The following FER variants were observed in gnomAD, a reference collection of about 807,000 sequenced individuals.
FER encodes tyrosine-protein kinase Fer.
FER carries 63 observed loss-of-function variants against 111.0 expected under a neutral mutation model. The ratio of observed to expected loss-of-function variants is 0.57; its 90% CI spans 0.46 to 0.70. The LOEUF is 0.70. FER is among the 30% of genes least tolerant of loss of function. The pLI, the probability that FER is intolerant of heterozygous loss-of-function variation, is 0.00. For synonymous variants in FER, 327 were observed against 313.9 expected (o/e 1.04, Z -0.44); for missense variants, 914 against 954.0 (o/e 0.96, Z 0.55).
intron 10 of FER, among the ~76,000 whole-genome samples, chr5:108,922,258 C>T (rs1432939426): frequency 6.6e-6 from 1 of 152,098 alleles, no homozygotes. Flanking sequence ...AGAAGTCACC[C>T]GATTTCTGGT....
Position 108,883,374 on chromosome 5 carries a change from T to C in FER, c.924-22T>C, listed in dbSNP as rs553200498. 3.1e-5 allele frequency: 49 copies of C among 1,573,286 alleles called. No homozygotes were observed. In the African/African-American group the frequency reaches 5.6e-4, roughly 18 times the overall value. The stretch of plus-strand genomic sequence containing the variant: ...GTGAAAATTAATTTGTTGGTTGTTA[T>C]TGAGGATACTGTTTATTCTAGGTTG... On this transcript the variant is annotated intron_variant, in intron 8 of 19. Transcript: ENST00000281092.
intron 5 of FER, among the ~76,000 whole-genome samples, chr5:108,856,257 G>C (rs1281728137): frequency 6.6e-6 from 1 of 152,142 alleles, no homozygotes; most frequent in African/African-American, 2.4e-5. Flanking sequence ...GGGGTTCACA[G>C]ACTCCCTCTT....
At chr5:109,107,432 G>A (rs187615606) in intron 17 of FER, among the ~76,000 whole-genome samples, 6 of 151,930 alleles carry the variant, frequency 3.9e-5, no homozygotes, top group African/African-American at 1.2e-4. Flanking sequence ...CATTATCCAC[G>A]TATTAAGCCT....
At chr5:108,962,013 C>T (rs982046146) in intron 13 of FER, among the ~76,000 whole-genome samples, 1 of 152,102 alleles carries the variant, frequency 6.6e-6, no homozygotes, top group Non-Finnish European at 1.5e-5. Flanking sequence ...ATCTCTGCTC[C>T]TACCCATAAA....
At chr5:109,066,525 G>C (rs1183488246) in intron 16 of FER, among the ~76,000 whole-genome samples, 1 of 151,948 alleles carries the variant, frequency 6.6e-6, no homozygotes, top group Non-Finnish European at 1.5e-5. Context: ...AACTAATGAG[G>C]CTATAATTTG....
Position 109,189,562 on chromosome 5 carries a change from C to G in FER, c.*1987C>G, listed in dbSNP as rs1759225080. The G allele has an allele frequency of 6.6e-6, 1 of 152,170 alleles. No homozygotes were observed. Among genetic ancestry groups the G allele is most frequent in the Non-Finnish European group, 1.5e-5 (1 of 68,044 alleles). 9.4% of individuals were successfully genotyped at this position (152,170 alleles called of 1,614,324 possible). ...GGGAAATTTCTTTTGATGGCACGTA[C>G]TATGGTAAATCAAAGCGCAAACTCA... On this transcript the variant is annotated 3_prime_UTR_variant, in exon 20 of 20. Coordinates refer to ENST00000281092, the MANE Select transcript of FER (RefSeq NM_005246.4).
At chr5:109,157,187 CTCAA>C (rs1755490292) in intron 17 of FER, among the ~76,000 whole-genome samples, 1 of 124,568 alleles carries the variant, frequency 8.0e-6, no homozygotes, top group Admixed American at 7.4e-5. Context: ...CTTACTATTT[CTCAA>C]TCAATCAAAA....
intron 13 of FER, among the ~76,000 whole-genome samples, chr5:109,019,204 C>A (rs549189889): frequency 1.3e-5 from 2 of 151,752 alleles, no homozygotes; most frequent in East Asian, 3.9e-4. Context: ...TGGAACTCTT[C>A]AGTTTTATAC....
At chr5:109,018,375 A>G (rs928480791) in intron 13 of FER, among the ~76,000 whole-genome samples, 2 of 151,912 alleles carry the variant, frequency 1.3e-5, no homozygotes, top group Admixed American at 6.6e-5. Context: ...TATGGCTTTA[A>G]GATGAAGTTA....
intron 3 of FER, chr5:108,830,823 G>A (rs904380739): frequency 2.0e-5 from 3 of 152,256 alleles, no homozygotes; most frequent in Non-Finnish European, 2.9e-5. Context: ...TATTAGCAGC[G>A]TTGGGGTGTT....
At chr5:108,891,281 G>A (rs1748005426) in intron 9 of FER, among the ~76,000 whole-genome samples, 1 of 151,926 alleles carries the variant, frequency 6.6e-6, no homozygotes, top group Non-Finnish European at 1.5e-5. Flanking sequence ...ATATTCTAGA[G>A]CTTTATATAT....
chr5:108,906,681 G>A (rs1750819624), intron 10 of FER, among the ~76,000 whole-genome samples: 1 of 151,412 alleles, frequency 6.6e-6, no homozygotes, highest in Non-Finnish European at 1.5e-5. Flanking sequence ...TTATTTTAAT[G>A]TTACTTTTAT....
intron 2 of FER, among the ~76,000 whole-genome samples, chr5:108,782,997 C>T (rs1473574025): frequency 6.6e-6 from 1 of 152,180 alleles, no homozygotes; most frequent in Non-Finnish European, 1.5e-5. Flanking sequence ...TAATAGTACA[C>T]TGTCTTGATT....
intron 1 of FER, among the ~76,000 whole-genome samples, chr5:108,758,304 C>T (rs1751341669): frequency 6.6e-6 from 1 of 152,094 alleles, no homozygotes; most frequent in Non-Finnish European, 1.5e-5. Flanking sequence ...AGCAAACCTA[C>T]CTAGAGTTGA....
chr5:108,855,594 G>A lies in FER; in HGVS notation c.482-12173G>A, dbSNP rs111546693. Among the ~76,000 whole-genome samples, 993 of 102,896 alleles carry A rather than the reference G, an allele frequency of 9.7e-3. 15 individuals carry two copies. The highest frequency in any genetic ancestry group is 0.028 in the African/African-American group (850 of 30,112). The allele number at this position is 102,896 out of a possible 152,430, so 67.5% of individuals were successfully genotyped here. Reference sequence around the variant, plus strand: ...CAAGATCGCGCCACTGCACTCCAGCGAAAAAAAAAAAAAAAAGAATACAAA... The same window carrying A: ...CAAGATCGCGCCACTGCACTCCAGCAAAAAAAAAAAAAAAAAGAATACAAA... On this transcript the variant is annotated intron_variant, in intron 5 of 19. Coordinates refer to ENST00000281092, the MANE Select transcript of FER (RefSeq NM_005246.4).
intron 11 of FER, among the ~76,000 whole-genome samples, chr5:108,950,278 T>C (rs1293245626): frequency 6.6e-6 from 1 of 152,204 alleles, no homozygotes; most frequent in South Asian, 2.1e-4. Flanking sequence ...TGTAATTCTT[T>C]ATAGTTACTA....
At chr5:108,770,958 AT>A (rs958926030) in intron 2 of FER, among the ~76,000 whole-genome samples, 42 of 151,028 alleles carry the variant, frequency 2.8e-4, no homozygotes, top group African/African-American at 9.7e-4. Context: ...TTTTTTTGAG[AT>A]GGAGTCTCAC....
intron 9 of FER, among the ~76,000 whole-genome samples, chr5:108,893,330 A>T (rs1376659482): frequency 6.7e-6 from 1 of 150,134 alleles, no homozygotes; most frequent in South Asian, 2.1e-4. Flanking sequence ...ATAGTTTGAG[A>T]TTTTACATTT....
intron 3 of FER, among the ~76,000 whole-genome samples, chr5:108,825,864 C>A (rs1185759099): frequency 1.3e-5 from 2 of 152,224 alleles, no homozygotes. Flanking sequence ...CTTCCCGCAA[C>A]ACAAGATCCT....
Sources: allele counts gnomAD v4.1 joint callset (sites outside exome capture counted in the v4.1 genomes callset), GRCh38; gene constraint gnomAD v4.1.1; transcripts MANE v1.5; gene names NCBI Gene and HGNC (gene_info 2026-07-23, HGNC 2026-07-21).